Variants in COG5 observed in about 807,000 individuals in gnomAD.
The protein encoded by COG5 is component of oligomeric golgi complex 5, also known as conserved oligomeric Golgi complex subunit 5.
COG5 carries 86 observed loss-of-function variants against 110.4 expected under a neutral mutation model. The ratio of observed to expected loss-of-function variants is 0.78; its 90% CI spans 0.65 to 0.93. COG5 has a LOEUF of 0.93. Among genes scored for constraint, COG5 ranks in the 40% least tolerant of loss-of-function variants. The pLI is 0.00. For missense variants in COG5, 1,077 were observed against 987.0 expected, an observed-to-expected ratio of 1.09 and a Z score of -1.22; for synonymous variants, 360 against 334.6, an observed-to-expected ratio of 1.08 and a Z score of -0.83.
At chr7:107,402,442 T>C (rs919550351) in intron 7 of COG5, among the ~76,000 whole-genome samples, 1 of 152,186 alleles carries the variant, frequency 6.6e-6, no homozygotes. Flanking sequence ...CTGGGAAAGC[T>C]TCTAATTCAC....
intron 6 of COG5, among the ~76,000 whole-genome samples, chr7:107,484,279 C>G (rs1006425720): frequency 3.3e-5 from 5 of 152,048 alleles, no homozygotes; most frequent in African/African-American, 9.7e-5. Flanking sequence ...TCAGAGCAAA[C>G]AGCATGAAAA....
chr7:107,320,373 T>C (rs2117045923), intron 11 of COG5, among the ~76,000 whole-genome samples: 1 of 152,368 alleles, frequency 6.6e-6, no homozygotes, highest in South Asian at 2.1e-4. Flanking sequence ...ATTTTCCTTT[T>C]AGAATATCTT....
intron 12 of COG5, among the ~76,000 whole-genome samples, chr7:107,295,036 TATACAC>T (rs1259222927): frequency 3.3e-5 from 2 of 60,564 alleles, no homozygotes; most frequent in South Asian, 4.7e-4. Flanking sequence ...TACACACACA[TATACAC>T]ACACACACAC....
At chr7:107,449,913 G>C (rs1393558621) in intron 6 of COG5, among the ~76,000 whole-genome samples, 2 of 152,158 alleles carry the variant, frequency 1.3e-5, no homozygotes, top group Non-Finnish European at 2.9e-5. Context: ...ACACCTATAT[G>C]ATTCAAGAAA....
intron 6 of COG5, among the ~76,000 whole-genome samples, chr7:107,503,874 T>G (rs1052628194): frequency 1.3e-5 from 2 of 152,196 alleles, no homozygotes; most frequent in Non-Finnish European, 2.9e-5. Context: ...TTATCAAATC[T>G]AGGAGTCTTC....
intron 8 of COG5, 108 bp from the exon 9 acceptor site, chr7:107,362,528 T>C (rs1350230422): frequency 5.6e-6 from 4 of 716,182 alleles, no homozygotes; most frequent in Non-Finnish European, 9.7e-6. Context: ...GAGAAGTTCC[T>C]TCTTTAGGAA....
At chr7:107,369,468 C>A (rs1371352247) in intron 8 of COG5, among the ~76,000 whole-genome samples, 1 of 149,830 alleles carries the variant, frequency 6.7e-6, no homozygotes. Flanking sequence ...CTCACTGCAA[C>A]CTCTCCCTCC....
At chr7:107,389,214 A>C (rs1305735579) in intron 7 of COG5, among the ~76,000 whole-genome samples, 1 of 152,082 alleles carries the variant, frequency 6.6e-6, no homozygotes, top group Non-Finnish European at 1.5e-5. Flanking sequence ...ATTTACCCCC[A>C]GTGGGGTCCC....
intron 6 of COG5, among the ~76,000 whole-genome samples, chr7:107,483,548 T>C (rs1176517780): frequency 2.0e-5 from 3 of 151,818 alleles, no homozygotes. Context: ...CTACTAAAAA[T>C]ACAAAATTAG....
chr7:107,296,230 T>A (rs1033578075), intron 12 of COG5, among the ~76,000 whole-genome samples: 3 of 149,632 alleles, frequency 2.0e-5, no homozygotes, highest in African/African-American at 7.3e-5. Context: ...GGAACATATA[T>A]TCATTTTACA....
At chr7:107,420,299 G>A (rs1793188111) in intron 6 of COG5, among the ~76,000 whole-genome samples, 1 of 152,124 alleles carries the variant, frequency 6.6e-6, no homozygotes, top group Admixed American at 6.5e-5. Context: ...TATGCATGAA[G>A]CACGTTTTGT....
At chr7:107,219,127 TA>T (rs1799721385) in intron 19 of COG5, among the ~76,000 whole-genome samples, 1 of 152,038 alleles carries the variant, frequency 6.6e-6, no homozygotes, top group Admixed American at 6.6e-5. Flanking sequence ...AAATGCAAAT[TA>T]AAACCACAAT....
chr7:107,530,095 TCTA>T (rs1258816109), intron 5 of COG5, among the ~76,000 whole-genome samples: 3 of 152,202 alleles, frequency 2.0e-5, no homozygotes, highest in Non-Finnish European at 2.9e-5. Flanking sequence ...AATCTTTATT[TCTA>T]CTGTTTTTAT....
At chr7:107,520,601 C>A (rs1018267362) in intron 6 of COG5, among the ~76,000 whole-genome samples, 5 of 152,066 alleles carry the variant, frequency 3.3e-5, no homozygotes, top group African/African-American at 1.2e-4. Flanking sequence ...AGTGAAGGAC[C>A]TCTTCAAGGA....
In COG5 at chr7:107,362,499, C is replaced by T. The variant is rs551096557; in HGVS notation, c.836-79G>A. On this transcript the variant is annotated intron_variant, in intron 8 of 21. Transcript: ENST00000297135. Reference sequence around the variant, plus strand: ...TATATATATATGTTATTATAAAAACCATACGCAAGCTAAAAAATGAGAAGT... The same window carrying T: ...TATATATATATGTTATTATAAAAACTATACGCAAGCTAAAAAATGAGAAGT... 1.1e-4 allele frequency: 95 copies of T among 848,446 alleles called. 1 individual carries two copies. The highest frequency in any genetic ancestry group is 8.1e-4 in the Middle Eastern group (3 of 3,688). 52.6% of individuals were successfully genotyped at this position (848,446 alleles called of 1,614,324 possible).
rs1193699378 is a variant in COG5, at chr7:107,412,909, T to C, written c.539-277A>G. ...TTTAAGGAAATGTCAAGAGATCACA[T>C]TTAAAAGTGTCAAATTTAGTATTTT... On this transcript the variant is annotated intron_variant, in intron 6 of 21. Transcript: ENST00000297135. Among the ~76,000 whole-genome samples, 3 of 152,142 alleles carry C rather than the reference T, an allele frequency of 2.0e-5. 1 individual carries two copies. The highest frequency in any genetic ancestry group is 2.0e-4 in the Admixed American group (3 of 15,280).
In COG5 at chr7:107,533,057, AACTCCAGCAG is replaced by A. The variant is rs1390235500; in HGVS notation, c.418-5710_418-5701del. Among the ~76,000 whole-genome samples, 16 of 148,046 alleles carry A rather than the reference AACTCCAGCAG, an allele frequency of 1.1e-4. No homozygotes were observed. The South Asian group carries it at 3.3e-3, about 31-fold the overall frequency. On this transcript the variant is annotated intron_variant, in intron 5 of 21. Transcript: ENST00000297135. ...CAGGGTCTGGAGTGGACCCGCAGCAAACTCCAGCAGACCTGCAGCAGAGGGGCCTGACTGT... is the reference window on the plus strand; with the variant it reads ...CAGGGTCTGGAGTGGACCCGCAGCAAACCTGCAGCAGAGGGGCCTGACTGT...
chr7:107,213,726 G>A (rs1418249708), intron 19 of COG5, among the ~76,000 whole-genome samples: 2 of 152,298 alleles, frequency 1.3e-5, no homozygotes, highest in East Asian at 3.9e-4. Flanking sequence ...GTTGATATCA[G>A]CTGGCTCATC....
chr7:107,389,221 T>A (rs1401675050), intron 7 of COG5, among the ~76,000 whole-genome samples: 5 of 152,058 alleles, frequency 3.3e-5, no homozygotes, highest in Middle Eastern at 3.4e-3. Flanking sequence ...CCCAGTGGGG[T>A]CCCTCAATAA....
Sources: gnomAD v4.1 joint callset for allele counts (sites outside exome capture counted in the v4.1 genomes callset) on GRCh38, gnomAD v4.1.1 for gene constraint, MANE v1.5 for transcripts, NCBI Gene and HGNC (gene_info 2026-07-23, HGNC 2026-07-21) for gene names.